The following PAPPA2 variants were observed in gnomAD, a reference collection of about 807,000 sequenced individuals.
PAPPA2 encodes the protein pappalysin 2.
A neutral mutation model predicts 176.4 loss-of-function variants in PAPPA2; 86 were observed. That is an observed-to-expected ratio of 0.49 (90% confidence interval 0.41 to 0.58). PAPPA2 has a LOEUF of 0.58. PAPPA2 is among the 20% of genes least tolerant of loss of function. The probability of loss-of-function intolerance (pLI) is 0.00; values close to 1 mark genes in which losing one functional copy is unlikely to be tolerated. For synonymous variants in PAPPA2, 809 were observed against 852.2 expected, an observed-to-expected ratio of 0.95 and a Z score of 0.88; for missense variants, 2,073 against 2,256.9, an observed-to-expected ratio of 0.92 and a Z score of 1.65.
intron 2 of PAPPA2, among the ~76,000 whole-genome samples, chr1:176,566,235 T>G (rs1013808699): frequency 6.6e-6 from 1 of 152,118 alleles, no homozygotes; most frequent in Non-Finnish European, 1.5e-5. Context: ...CAGGGTTAGA[T>G]CTGGGCCTTT....
At chr1:176,468,671 A>G (rs1310346814) in intron 1 of PAPPA2, among the ~76,000 whole-genome samples, 1 of 152,096 alleles carries the variant, frequency 6.6e-6, no homozygotes, top group Non-Finnish European at 1.5e-5. Flanking sequence ...ATGTGAAGGC[A>G]CACATTGATT....
At chr1:176,721,223 G>A (rs967638294) in intron 12 of PAPPA2, among the ~76,000 whole-genome samples, 1 of 152,156 alleles carries the variant, frequency 6.6e-6, no homozygotes, top group Non-Finnish European at 1.5e-5. Flanking sequence ...GTTGCAATAC[G>A]CATTCTAACT....
At chr1:176,482,546 C>G (rs1273946665) in intron 1 of PAPPA2, among the ~76,000 whole-genome samples, 4 of 152,074 alleles carry the variant, frequency 2.6e-5, no homozygotes, top group African/African-American at 7.2e-5. Flanking sequence ...TTAATGTAAC[C>G]AAAAAGCCCA....
At chr1:176,492,013 C>T (rs1358040868) in intron 1 of PAPPA2, among the ~76,000 whole-genome samples, 1 of 152,204 alleles carries the variant, frequency 6.6e-6, no homozygotes, top group African/African-American at 2.4e-5. Flanking sequence ...TTTATGTCCA[C>T]AGGATGCTCC....
intron 1 of PAPPA2, among the ~76,000 whole-genome samples, chr1:176,503,129 G>T (rs559745839): frequency 6.6e-6 from 1 of 152,220 alleles, no homozygotes; most frequent in East Asian, 1.9e-4. Flanking sequence ...GGAGACTCTA[G>T]GAGAGAATCA....
Position 176,791,438 on chromosome 1 carries a change from A to T in PAPPA2, c.4976A>T (p.Glu1659Val). ...LQGECPPPPS[E>V]LNSVEYKCEQ... ...GGAGAATGCCCACCACCCCCCTCAG[A>T]GCTGAATTCTGTGGAGTACAAATGT... Residue 1659 changes from glutamate to valine, a missense_variant, in exon 19 of 23, where the codon GAG becomes GTG. Coordinates refer to ENST00000367662, the MANE Select transcript of PAPPA2 (RefSeq NM_020318.3). 1.2e-6 allele frequency: 2 copies of T among 1,613,844 alleles called. No individual in the cohort carries two copies. Among genetic ancestry groups the T allele is most frequent in the South Asian group, 1.1e-5 (1 of 91,082 alleles).
rs556384594 is a variant in PAPPA2 at position 176,832,781 on chromosome 1, T to A, written c.5203-7392T>A. Among the ~76,000 whole-genome samples the A allele has an allele frequency of 3.3e-5, 5 of 152,334 alleles. No homozygotes were observed. In the South Asian group the frequency reaches 1.0e-3, roughly 32 times the overall value. Reference sequence around the variant, plus strand: ...AAAGATGTCTTTTTTATCTTAACGTTTGCTTGCTTTTCTTTTCTCATCTAA... The same window carrying A: ...AAAGATGTCTTTTTTATCTTAACGTATGCTTGCTTTTCTTTTCTCATCTAA... On this transcript the variant is annotated intron_variant, in intron 21 of 22. Coordinates refer to ENST00000367662, the MANE Select transcript of PAPPA2 (RefSeq NM_020318.3).
intron 17 of PAPPA2, among the ~76,000 whole-genome samples, chr1:176,777,288 C>T (rs1389198689): frequency 1.3e-5 from 2 of 152,104 alleles, no homozygotes; most frequent in African/African-American, 4.8e-5. Flanking sequence ...ACTTAGTAGA[C>T]AGTATTTAGG....
At position 176,594,791 on chromosome 1, in the gene PAPPA2, A is replaced by T. The variant is rs78613117; in HGVS notation, c.1187A>T (p.Asn396Ile). ...ASSLDQSGPL[N>I]SPFMASCRSL... is the part of the protein sequence containing the mutation. ...AGTCTAGACCAGTCTGGTCCCCTGA[A>T]CAGCCCCTTCATGGCATCTTGCCGC... Residue 396 changes from asparagine (N) to isoleucine (I), a missense_variant, in exon 3 of 23, where the codon AAC becomes ATC. Coordinates refer to ENST00000367662, the MANE Select transcript of PAPPA2 (RefSeq NM_020318.3). The T allele has an allele frequency of 6.2e-7, 1 of 1,614,110 alleles. No individual in the cohort carries two copies. Among genetic ancestry groups the T allele is most frequent in the Non-Finnish European group, 8.5e-7 (1 of 1,180,042 alleles).
intron 14 of PAPPA2, among the ~76,000 whole-genome samples, chr1:176,749,526 T>C (rs982366144): frequency 3.3e-5 from 5 of 152,240 alleles, no homozygotes; most frequent in Admixed American, 3.3e-4. Flanking sequence ...TGGGCAAATG[T>C]GTAATGATAC....
chr1:176,656,315 A>G (rs898147608), intron 3 of PAPPA2, among the ~76,000 whole-genome samples: 1 of 151,770 alleles, frequency 6.6e-6, no homozygotes, highest in Non-Finnish European at 1.5e-5. Context: ...TTATATCTGA[A>G]ACAGCCAAAC....
intron 1 of PAPPA2, among the ~76,000 whole-genome samples, chr1:176,546,763 C>T (rs1375255003): frequency 6.6e-6 from 1 of 152,054 alleles, no homozygotes; most frequent in Admixed American, 6.6e-5. Flanking sequence ...TTAACCACAT[C>T]GATAGGAATT....
At chr1:176,646,961 T>A (rs370422151) in intron 3 of PAPPA2, among the ~76,000 whole-genome samples, 20 of 151,690 alleles carry the variant, frequency 1.3e-4, no homozygotes, top group African/African-American at 4.8e-4. Flanking sequence ...GATAGCTCTA[T>A]TATTAGTTTT....
intron 3 of PAPPA2, among the ~76,000 whole-genome samples, chr1:176,653,730 C>G (rs1657877727): frequency 6.6e-6 from 1 of 151,712 alleles, no homozygotes; most frequent in South Asian, 2.1e-4. Context: ...TTATACCCCA[C>G]TCCGTCTCCT....
intron 1 of PAPPA2, among the ~76,000 whole-genome samples, chr1:176,519,826 A>C (rs1018872099): frequency 1.3e-5 from 2 of 152,168 alleles, no homozygotes; most frequent in African/African-American, 4.8e-5. Flanking sequence ...AGTGAAGTTG[A>C]AAGTTGGTAG....
Position 176,557,000 on chromosome 1 carries a change from C to T in PAPPA2, c.678C>T (p.Ser226=). ...ATTTCCAACCTTGGCCCAAGCATTC[C>T]CTTAAACACAGGGTCAAAAAGAGTC... ...SSHFQPWPKH[S]LKHRVKKSPP... The change falls in exon 2 of 23, where the codon TCC becomes TCT. Residue 226 remains serine (S), a synonymous_variant. Coordinates refer to ENST00000367662, the MANE Select transcript of PAPPA2 (RefSeq NM_020318.3). The T allele has an allele frequency of 6.2e-7, 1 of 1,614,048 alleles. No individual in the cohort carries two copies. The highest frequency in any genetic ancestry group is 8.5e-7 in the Non-Finnish European group (1 of 1,180,014).
intron 1 of PAPPA2, among the ~76,000 whole-genome samples, chr1:176,532,716 G>T (rs1174206868): frequency 6.6e-6 from 1 of 152,124 alleles, no homozygotes. Flanking sequence ...TGTGATTCTG[G>T]CTGCTTCCAG....
At chr1:176,727,340 CAT>C (rs1157803951) in intron 12 of PAPPA2, among the ~76,000 whole-genome samples, 1 of 151,956 alleles carries the variant, frequency 6.6e-6, no homozygotes, top group Non-Finnish European at 1.5e-5. Flanking sequence ...AATAAAAAGA[CAT>C]GTACATCAAA....
chr1:176,634,619 A>C (rs992111208), intron 3 of PAPPA2, among the ~76,000 whole-genome samples: 9 of 151,460 alleles, frequency 5.9e-5, no homozygotes, highest in Middle Eastern at 3.2e-3. Context: ...ATAAAAAAAA[A>C]CACTTGAACC....
Sources: allele counts gnomAD v4.1 joint callset (sites outside exome capture counted in the v4.1 genomes callset), GRCh38; gene constraint gnomAD v4.1.1; transcripts MANE v1.5; gene names NCBI Gene and HGNC (gene_info 2026-07-23, HGNC 2026-07-21).